The following OVCH1 variants were observed in gnomAD, a reference collection of about 807,000 sequenced individuals.
OVCH1 encodes the protein ovochymase 1.
Under a neutral mutation model 138.4 loss-of-function variants are expected in OVCH1, and 139 were observed. That is an observed-to-expected ratio of 1.00 (90% CI 0.87 to 1.16). The LOEUF is 1.16. Among genes scored for constraint, OVCH1 ranks in the 50% most tolerant of loss-of-function variants. The probability of loss-of-function intolerance (pLI) is 0.00; values close to 1 mark genes in which losing one functional copy is unlikely to be tolerated. For synonymous variants in OVCH1, 453 were observed against 467.8 expected (o/e 0.97, Z 0.41); for missense variants, 1,367 against 1,357.9 (o/e 1.01, Z -0.11).
the OVCH1 span, among the ~76,000 whole-genome samples, chr12:29,403,965 C>G: frequency 6.6e-6 from 1 of 152,150 alleles, no homozygotes; most frequent in African/African-American, 2.4e-5. Context: ...TGTAAGTTCC[C>G]AGGAGGCATG....
chr12:29,430,820 C>G (rs1941254590), intron 27 of OVCH1: 1 of 488,582 alleles, frequency 2.0e-6, no homozygotes, highest in Middle Eastern at 3.4e-4. Context: ...CCCTTGAGTT[C>G]TGGCCAGGAG....
downstream of OVCH1, among the ~76,000 whole-genome samples, chr12:29,425,010 TAA>T (rs1391090756): frequency 6.6e-6 from 1 of 152,148 alleles, no homozygotes; most frequent in Non-Finnish European, 1.5e-5. Flanking sequence ...TTTCATTTTT[TAA>T]AAGAGCTAAT....
At chr12:29,466,187 G>A (rs768097884) in intron 16 of OVCH1, among the ~76,000 whole-genome samples, 8 of 151,990 alleles carry the variant, frequency 5.3e-5, no homozygotes, top group Non-Finnish European at 1.2e-4. Context: ...CATGGCACAT[G>A]TATGCATATG....
chr12:29,432,823 T>C (rs1941293289), intron 27 of OVCH1, among the ~76,000 whole-genome samples: 1 of 152,140 alleles, frequency 6.6e-6, no homozygotes, highest in Non-Finnish European at 1.5e-5. Context: ...CAGTGAGCTC[T>C]CCTTTTTTGG....
rs754404815 is a variant in OVCH1, at chr12:29,443,367, A to AT, written c.3150dup (p.Leu1051IlefsTer27). ...TTCATGGGAAATCAGTTACCTATTA[A>AT]TTTTTTTCCTGGTCCAAATCCTTCG... On this transcript the variant is annotated frameshift_variant, in exon 25 of 28. Transcript: ENST00000318184. LOFTEE classifies it high-confidence loss of function. 4.3e-6 allele frequency: 7 copies of AT among 1,609,584 alleles called. No individual in the cohort carries two copies. The highest frequency in any genetic ancestry group is 1.3e-5 in the African/African-American group (1 of 74,772).
chr12:29,407,763 TGG>T (rs1216622714), downstream of OVCH1, among the ~76,000 whole-genome samples: 1 of 151,848 alleles, frequency 6.6e-6, no homozygotes, highest in African/African-American at 2.4e-5. Flanking sequence ...TTTGTTCTTT[TGG>T]TTTAGGATTG....
chr12:29,407,793 C>G (rs1366626845), downstream of OVCH1, among the ~76,000 whole-genome samples: 1 of 151,134 alleles, frequency 6.6e-6, no homozygotes, highest in Non-Finnish European at 1.5e-5. Context: ...TATGCGGGCT[C>G]TTTTTTGGTT....
chr12:29,496,625 G>A (rs747910714), exon 2 of OVCH1: 133 of 1,613,710 alleles, frequency 8.2e-5, no homozygotes, highest in Admixed American at 1.3e-4. Flanking sequence ...TAGATCCCAC[G>A]GCAGGTTCCT....
chr12:29,422,806 T>C (rs1223042360), downstream of OVCH1, among the ~76,000 whole-genome samples: 6 of 152,146 alleles, frequency 3.9e-5, no homozygotes, highest in Admixed American at 3.3e-4. Context: ...AGAGATATGG[T>C]AAGAGAGACA....
intron 27 of OVCH1, among the ~76,000 whole-genome samples, chr12:29,432,637 T>C (rs1941289532): frequency 6.6e-6 from 1 of 152,164 alleles, no homozygotes; most frequent in South Asian, 2.1e-4. Flanking sequence ...GGACTGGATA[T>C]ATAAATTTGG....
rs115053207 is a variant in OVCH1, at chr12:29,456,009, A to T, written c.2281-604T>A. ...TGAGGTGAAGAAAAGTTAAAGGCTGACTTAAATCTATTAAAATGTATTCAT... is the reference window on the plus strand; with the variant it reads ...TGAGGTGAAGAAAAGTTAAAGGCTGTCTTAAATCTATTAAAATGTATTCAT... On this transcript the variant is annotated intron_variant, in intron 19 of 27. Transcript: ENST00000318184. Among the ~76,000 whole-genome samples the T allele has an allele frequency of 9.0e-3, 1,371 of 152,294 alleles. 16 individuals are homozygous for T. Among genetic ancestry groups the T allele is most frequent in the African/African-American group, 0.031 (1,302 of 41,558 alleles).
chr12:29,492,409 C>T (rs1943297617), intron 4 of OVCH1, among the ~76,000 whole-genome samples: 1 of 151,938 alleles, frequency 6.6e-6, no homozygotes, highest in Non-Finnish European at 1.5e-5. Flanking sequence ...CATTGATTTT[C>T]ATCTAAATGT....
rs1162876229 is a variant in OVCH1, at chr12:29,476,753, GCGCACACA to G, written c.1377+341_1377+348del. 3.5e-4 allele frequency among the ~76,000 whole-genome samples: 3 copies of G among 8,496 alleles called. No homozygotes were observed. In the East Asian group the frequency reaches 0.024, roughly 69 times the overall value. The allele number at this position is 8,496 out of a possible 152,430, so 5.6% of individuals were successfully genotyped here. A position where few individuals can be genotyped will look rare whatever the true frequency, so the allele number is the denominator to read the frequency against. Reference sequence around the variant, plus strand: ...TGCCAAGCAGCATAAGTACACACGCGCGCACACACACACACACACACACACACACACAC... The same window carrying G: ...TGCCAAGCAGCATAAGTACACACGCGCACACACACACACACACACACACAC... On this transcript the variant is annotated intron_variant, in intron 12 of 27. Transcript: ENST00000318184.
intron 22 of OVCH1, among the ~76,000 whole-genome samples, chr12:29,447,334 C>T (rs1222520901): frequency 2.6e-5 from 4 of 152,092 alleles, no homozygotes; most frequent in Middle Eastern, 6.8e-3. Flanking sequence ...AAATTATCTC[C>T]ATTAATGATT....
chr12:29,442,593 C>A (rs1011946057), intron 25 of OVCH1, among the ~76,000 whole-genome samples: 5 of 151,062 alleles, frequency 3.3e-5, no homozygotes, highest in Non-Finnish European at 5.9e-5. Flanking sequence ...GCACATTGTG[C>A]ACTTGTACCC....
exon 8 of OVCH1, chr12:29,486,307 A>G (rs1943104044): frequency 6.2e-7 from 1 of 1,613,782 alleles, no homozygotes; most frequent in Non-Finnish European, 8.5e-7. Context: ...TTTGTTATAT[A>G]CCTTGAGCCC....
downstream of OVCH1, among the ~76,000 whole-genome samples, chr12:29,409,135 C>G (rs1940920159): frequency 6.6e-6 from 1 of 152,166 alleles, no homozygotes; most frequent in Admixed American, 6.5e-5. Flanking sequence ...GTTTGTATTT[C>G]TGTGGGATCC....
chr12:29,414,968 G>A (rs1313268871), intron 3 of OVCH1, among the ~76,000 whole-genome samples: 2 of 151,830 alleles, frequency 1.3e-5, no homozygotes, highest in African/African-American at 4.8e-5. Flanking sequence ...AAATACAAAC[G>A]ACTAGTACAG....
At chr12:29,452,237 G>A (rs1832517251) in intron 21 of OVCH1, among the ~76,000 whole-genome samples, 3 of 152,090 alleles carry the variant, frequency 2.0e-5, no homozygotes, top group African/African-American at 7.2e-5. Context: ...ATATTTTAAT[G>A]TATGTGTTAG....
Sources: gnomAD v4.1 joint callset for allele counts (sites outside exome capture counted in the v4.1 genomes callset) on GRCh38, gnomAD v4.1.1 for gene constraint, MANE v1.5 for transcripts, NCBI Gene and HGNC (gene_info 2026-07-23, HGNC 2026-07-21) for gene names.